ITGB6: variants seen among roughly 807,000 people sequenced by gnomAD.
The protein encoded by ITGB6 is integrin beta-6.
A neutral mutation model predicts 84.5 loss-of-function variants in ITGB6; 80 were observed. That is an observed-to-expected ratio of 0.95 (90% confidence interval 0.79 to 1.14). The LOEUF is 1.14. ITGB6 is among the 50% of genes most tolerant of loss of function. The pLI, the probability that ITGB6 is intolerant of heterozygous loss-of-function variation, is 0.00. For missense variants in ITGB6, 1,006 were observed against 968.0 expected (o/e 1.04, Z -0.52); for synonymous variants, 383 against 354.9 (o/e 1.08, Z -0.89).
At chr2:160,185,667 CA>C (rs1348784719) in intron 4 of ITGB6, among the ~76,000 whole-genome samples, 1 of 152,178 alleles carries the variant, frequency 6.6e-6, no homozygotes, top group Non-Finnish European at 1.5e-5. Context: ...TTAGCAAAGA[CA>C]ATCCTAAGCA....
intron 10 of ITGB6, among the ~76,000 whole-genome samples, chr2:160,133,682 G>T (rs1429543283): frequency 1.3e-5 from 2 of 152,204 alleles, no homozygotes; most frequent in East Asian, 1.9e-4. Flanking sequence ...AAATGTAAAA[G>T]AACAGAAATT....
At chr2:160,139,326 A>T (rs1300956114) in intron 8 of ITGB6, among the ~76,000 whole-genome samples, 1 of 152,146 alleles carries the variant, frequency 6.6e-6, no homozygotes, top group Non-Finnish European at 1.5e-5. Flanking sequence ...AATTTCCCTT[A>T]AGTGTAATTT....
At position 160,196,271 on chromosome 2, in the gene ITGB6, A is replaced by G. The variant is rs1160906245; in HGVS notation, c.291T>C (p.Asn97=). 1.2e-6 allele frequency: 2 copies of G among 1,613,830 alleles called. No homozygotes were observed. The highest frequency in any genetic ancestry group is 2.2e-5 in the East Asian group (1 of 44,864). Reference sequence around the variant, plus strand: ...GCGCAATCTGAACAATGTCAGAACTATTTTTCTGTCTGCCTACACTGAGAG... The same window carrying G: ...GCGCAATCTGAACAATGTCAGAACTGTTTTTCTGTCTGCCTACACTGAGAG... ...NKPLSVGRQK[N]SSDIVQIAPQ... Residue 97 remains asparagine (N), a synonymous_variant, in exon 3 of 15, where the codon AAT becomes AAC. Transcript: ENST00000283249.
chr2:160,142,155 T>C, intron 7 of ITGB6, 84 bp from the exon 8 acceptor site: 2 of 796,080 alleles, frequency 2.5e-6, no homozygotes, highest in Non-Finnish European at 4.1e-6. Context: ...TGGCTATGAT[T>C]GCCTCTATTT....
intron 4 of ITGB6, among the ~76,000 whole-genome samples, chr2:160,174,556 A>T (rs1685340151): frequency 6.8e-6 from 1 of 147,796 alleles, no homozygotes; most frequent in South Asian, 2.2e-4. Flanking sequence ...CAAGAGAGGA[A>T]CCTGTCTTCT....
chr2:160,174,576 G>C (rs1357317479), intron 4 of ITGB6, among the ~76,000 whole-genome samples: 3 of 152,008 alleles, frequency 2.0e-5, no homozygotes, highest in Admixed American at 1.3e-4. Flanking sequence ...TTTTTCCTTT[G>C]CTCCCTCCTG....
chr2:160,186,952 C>A, intron 4 of ITGB6, among the ~76,000 whole-genome samples: 1 of 147,318 alleles, frequency 6.8e-6, no homozygotes, highest in Non-Finnish European at 1.5e-5. Context: ...CATCACACAC[C>A]AGGGCCTGTC....
chr2:160,136,470 A>C (rs1226670627), intron 10 of ITGB6, among the ~76,000 whole-genome samples: 1 of 152,192 alleles, frequency 6.6e-6, no homozygotes, highest in African/African-American at 2.4e-5. Flanking sequence ...AAACTAGTTC[A>C]ACCATTGTGG....
At chr2:160,197,147 T>C (rs999152860) in intron 2 of ITGB6, among the ~76,000 whole-genome samples, 1 of 152,164 alleles carries the variant, frequency 6.6e-6, no homozygotes, top group Non-Finnish European at 1.5e-5. Context: ...AAAGATGGGT[T>C]AAAAGTCTGC....
At chr2:160,164,667 G>A (rs919167197) in intron 7 of ITGB6, among the ~76,000 whole-genome samples, 1 of 152,028 alleles carries the variant, frequency 6.6e-6, no homozygotes, top group African/African-American at 2.4e-5. Flanking sequence ...CTGCACTCCA[G>A]CCTGGGCGAC....
rs934500540 is a variant in ITGB6 at position 160,105,422 on chromosome 2, C to T, written c.2268+2257G>A. On this transcript the variant is annotated intron_variant, in intron 14 of 14. Coordinates refer to ENST00000283249, the MANE Select transcript of ITGB6 (RefSeq NM_000888.5). Reference sequence around the variant, plus strand: ...TATTAATCACTTGTCAGTATTTATGCCTCTGTATGAGAACATTGAAATGTG... The same window carrying T: ...TATTAATCACTTGTCAGTATTTATGTCTCTGTATGAGAACATTGAAATGTG... Among the ~76,000 whole-genome samples, 5 of 152,072 alleles carry T rather than the reference C, an allele frequency of 3.3e-5. No homozygotes were observed. The East Asian group carries it at 9.6e-4, about 29-fold the overall frequency.
intron 4 of ITGB6, among the ~76,000 whole-genome samples, chr2:160,181,367 A>G (rs918456311): frequency 1.1e-4 from 17 of 152,200 alleles, no homozygotes; most frequent in Admixed American, 5.2e-4. Flanking sequence ...AAACAAAGCC[A>G]CCAGGAAGTT....
At chr2:160,195,705 C>T in intron 3 of ITGB6, 90 bp from the exon 4 acceptor site, 1 of 1,423,858 alleles carries the variant, frequency 7.0e-7, no homozygotes, top group Non-Finnish European at 9.7e-7. Context: ...GGCTATTTCA[C>T]CTCAATAAGA....
chr2:160,130,068 G>A lies in ITGB6; in HGVS notation c.1661-3467C>T, dbSNP rs137967897. On this transcript the variant is annotated intron_variant, in intron 10 of 14. Transcript: ENST00000283249. ...GAGTATATGTACACAAACTTAGATG[G>A]TAAACCTGCTGCACACCTAGGTTAT... Among the ~76,000 whole-genome samples, 244 of 152,108 alleles carry A rather than the reference G, an allele frequency of 1.6e-3. 1 individual carries two copies. Among genetic ancestry groups the A allele is most frequent in the African/African-American group, 5.5e-3 (230 of 41,506 alleles).
chr2:160,113,905 C>T (rs116332671), intron 12 of ITGB6, among the ~76,000 whole-genome samples: 4 of 152,098 alleles, frequency 2.6e-5, no homozygotes, highest in East Asian at 1.9e-4. Context: ...GGGGACTATG[C>T]GTTTTCTTCT....
chr2:160,112,962 C>T (rs942951118), intron 12 of ITGB6, among the ~76,000 whole-genome samples: 1 of 152,080 alleles, frequency 6.6e-6, no homozygotes, highest in Admixed American at 6.6e-5. Context: ...TTTAGTAGTC[C>T]AGGATGTATG....
intron 11 of ITGB6, among the ~76,000 whole-genome samples, chr2:160,124,991 T>C (rs141704724): frequency 1.3e-5 from 2 of 152,324 alleles, no homozygotes; most frequent in East Asian, 3.9e-4. Flanking sequence ...TATCTCTTTG[T>C]CTTTGTGCAT....
intron 12 of ITGB6, among the ~76,000 whole-genome samples, chr2:160,114,554 A>G (rs1211533990): frequency 1.3e-5 from 2 of 152,244 alleles, no homozygotes; most frequent in South Asian, 2.1e-4. Context: ...GAACAGCTCC[A>G]GTCTACAGCA....
At chr2:160,146,612 T>C (rs1328970436) in intron 7 of ITGB6, among the ~76,000 whole-genome samples, 1 of 152,218 alleles carries the variant, frequency 6.6e-6, no homozygotes. Flanking sequence ...TTTCTAAGTA[T>C]TTTTTGTCAT....
Sources: allele counts gnomAD v4.1 joint callset (sites outside exome capture counted in the v4.1 genomes callset), GRCh38; gene constraint gnomAD v4.1.1; transcripts MANE v1.5; gene names NCBI Gene and HGNC (gene_info 2026-07-23, HGNC 2026-07-21).